The following ENG variants were observed in gnomAD, a reference collection of about 807,000 sequenced individuals.
ENG encodes CD105 antigen.
A neutral mutation model predicts 71.0 loss-of-function variants in ENG; 17 were observed. The ratio of observed to expected loss-of-function variants is 0.24; its 90% CI spans 0.16 to 0.36. The LOEUF is 0.36. Among genes scored for constraint, ENG ranks in the 10% least tolerant of loss-of-function variants. The pLI is 1.00. For synonymous variants in ENG, 360 were observed against 366.9 expected, an observed-to-expected ratio of 0.98 and a Z score of 0.21; for missense variants, 749 against 868.3, an observed-to-expected ratio of 0.86 and a Z score of 1.73.
intron 2 of ENG, among the ~76,000 whole-genome samples, chr9:127,834,561 C>T (rs369813066): frequency 3.9e-5 from 6 of 152,278 alleles, no homozygotes; most frequent in East Asian, 3.9e-4. Context: ...CCTGCCACTG[C>T]GCCTGGCTAG....
intron 8 of ENG, among the ~76,000 whole-genome samples, chr9:127,823,816 G>C (rs10733688): frequency 0.31 from 47,085 of 151,182 alleles, 9,081 homozygotes; most frequent in East Asian, 0.58. Flanking sequence ...CAAGTAGCTG[G>C]GACTACAGGT....
intron 1 of ENG, among the ~76,000 whole-genome samples, chr9:127,851,128 T>TG (rs1247109370): frequency 1.3e-5 from 2 of 152,018 alleles, no homozygotes; most frequent in Non-Finnish European, 2.9e-5. Flanking sequence ...TCCGAGGTGA[T>TG]TTTTTCCCTT....
chr9:127,850,577 A>G (rs1831263131), intron 1 of ENG, among the ~76,000 whole-genome samples: 1 of 152,210 alleles, frequency 6.6e-6, no homozygotes, highest in African/African-American at 2.4e-5. Context: ...TCCTCCTAGC[A>G]AATGGGAACG....
chr9:127,842,021 A>G (rs1292475902), intron 2 of ENG, among the ~76,000 whole-genome samples: 2 of 152,150 alleles, frequency 1.3e-5, no homozygotes, highest in Non-Finnish European at 2.9e-5. Context: ...TCTCTAGCAC[A>G]TAGCGCTTAA....
intron 2 of ENG, among the ~76,000 whole-genome samples, chr9:127,830,447 AGTCT>A (rs1459881329): frequency 1.3e-5 from 2 of 151,636 alleles, no homozygotes; most frequent in Non-Finnish European, 2.9e-5. Flanking sequence ...GTTCGAGACT[AGTCT>A]GTCCAACATG....
intron 2 of ENG, among the ~76,000 whole-genome samples, chr9:127,840,011 C>T (rs1424609958): frequency 6.6e-6 from 1 of 152,226 alleles, no homozygotes; most frequent in African/African-American, 2.4e-5. Flanking sequence ...ACCGTAGCCA[C>T]CATACGCTGA....
intron 10 of ENG, 23 bp from the exon 11 acceptor site, chr9:127,818,855 C>T: frequency 6.2e-7 from 1 of 1,610,078 alleles, no homozygotes; most frequent in Non-Finnish European, 8.5e-7. Context: ...GGGAGGGAGA[C>T]TTGGTCAATC....
At chr9:127,833,453 C>T (rs1185943504) in intron 2 of ENG, among the ~76,000 whole-genome samples, 1 of 132,066 alleles carries the variant, frequency 7.6e-6, no homozygotes, top group Non-Finnish European at 1.5e-5. Flanking sequence ...CCCCAGGAGG[C>T]GGAGGTTGTG....
chr9:127,839,862 A>G (rs1830986011), intron 2 of ENG, among the ~76,000 whole-genome samples: 1 of 152,152 alleles, frequency 6.6e-6, no homozygotes, highest in African/African-American at 2.4e-5. Context: ...GACCTGCCCC[A>G]TTGATCTTGT....
chr9:127,846,788 C>T lies in ENG; in HGVS notation c.68-3543G>A, dbSNP rs1037918245. Among the ~76,000 whole-genome samples, 3 of 152,058 alleles carry T rather than the reference C, an allele frequency of 2.0e-5. No individual in the cohort carries two copies. Among genetic ancestry groups the T allele is most frequent in the Non-Finnish European group, 1.5e-5 (1 of 68,002 alleles). ...CACCAAGGGAAACGCCAGGGCCTCC[C>T]GGGACTGGGTCAGAGGAGGAGCCGC... On this transcript the variant is annotated intron_variant, in intron 1 of 14. Coordinates refer to ENST00000373203, the MANE Select transcript of ENG (RefSeq NM_001114753.3). The surrounding 1 kb of genome is among the most constrained non-coding windows in gnomAD (Gnocchi z 5.5).
Position 127,815,499 on chromosome 9 carries a change from G to T in ENG, c.*183C>A. ...GTTCTGTGGGGTGGAGGGACCCCAA[G>T]GTGTTCCAAGCCAGTGGCTGCACTG... is the stretch of plus-strand genomic sequence containing the variant. On this transcript the variant is annotated 3_prime_UTR_variant, in exon 15 of 15. Coordinates refer to ENST00000373203, the MANE Select transcript of ENG (RefSeq NM_001114753.3). 8.2e-7 allele frequency: 1 copy of T among 1,218,224 alleles called. No individual in the cohort carries two copies. The highest frequency in any genetic ancestry group is 1.1e-6 in the Non-Finnish European group (1 of 901,372). 75.5% of individuals were successfully genotyped at this position (1,218,224 alleles called of 1,614,324 possible). A position where few individuals can be genotyped will look rare whatever the true frequency, so the allele number is the denominator to read the frequency against.
intron 3 of ENG, 130 bp downstream of exon 3, chr9:127,829,557 G>A: frequency 7.8e-7 from 1 of 1,288,098 alleles, no homozygotes; most frequent in Non-Finnish European, 1.1e-6. Context: ...GGACCCTGGT[G>A]AATAATGTCA....
chr9:127,840,022 G>T (rs1830991663), intron 2 of ENG, among the ~76,000 whole-genome samples: 2 of 152,242 alleles, frequency 1.3e-5, no homozygotes, highest in South Asian at 4.1e-4. Context: ...CATACGCTGA[G>T]CCGTCACTCC....
At position 127,817,305 on chromosome 9, in the gene ENG, G is replaced by A. The variant is rs1457613959; in HGVS notation, c.1687-102C>T. ...CAGCCCACCCTAGAGCCTTGGCTTTGAATCCCATCTCCACCGCTTCGTAGC... is the reference window on the plus strand; with the variant it reads ...CAGCCCACCCTAGAGCCTTGGCTTTAAATCCCATCTCCACCGCTTCGTAGC... On this transcript the variant is annotated intron_variant, in intron 12 of 14. Transcript: ENST00000373203. 99 of 1,205,506 alleles carry A rather than the reference G, an allele frequency of 8.2e-5. 4 individuals carry two copies. In the South Asian group the frequency reaches 1.2e-3, roughly 14 times the overall value. The allele number at this position is 1,205,506 out of a possible 1,614,324, so 74.7% of individuals were successfully genotyped here.
intron 1 of ENG, among the ~76,000 whole-genome samples, chr9:127,849,464 A>T (rs1469333952): frequency 6.6e-6 from 1 of 152,214 alleles, no homozygotes; most frequent in African/African-American, 2.4e-5. Context: ...GGTGACCCAC[A>T]TCAAGTCCCC....
intron 1 of ENG, 105 bp from the exon 2 acceptor site, chr9:127,843,350 C>G: frequency 1.4e-6 from 2 of 1,451,928 alleles, no homozygotes. Context: ...TAACGGCTTT[C>G]CTGCATCATC....
rs1426836517 is a variant in ENG at position 127,815,215 on chromosome 9, G to A, written c.*467C>T. On this transcript the variant is annotated 3_prime_UTR_variant, in exon 15 of 15. Coordinates refer to ENST00000373203, the MANE Select transcript of ENG (RefSeq NM_001114753.3). ...CGCTAGGCTCCTGTCTCCCCTGCCAGTTAGTTAGGCAAGTTCAGGTGTGGA... is the reference window on the plus strand; with the variant it reads ...CGCTAGGCTCCTGTCTCCCCTGCCAATTAGTTAGGCAAGTTCAGGTGTGGA... 7.4e-6 allele frequency: 1 copy of A among 135,164 alleles called. No individual in the cohort carries two copies. Among genetic ancestry groups the A allele is most frequent in the Non-Finnish European group, 1.7e-5 (1 of 60,148 alleles). 8.4% of individuals were successfully genotyped at this position (135,164 alleles called of 1,614,324 possible). A position where few individuals can be genotyped will look rare whatever the true frequency, so the allele number is the denominator to read the frequency against.
At chr9:127,828,549 C>T (rs1830683493) in intron 3 of ENG, among the ~76,000 whole-genome samples, 1 of 152,192 alleles carries the variant, frequency 6.6e-6, no homozygotes, top group Non-Finnish European at 1.5e-5. Flanking sequence ...CCTGCCTCAC[C>T]CTGGGCTGCA....
In ENG at chr9:127,824,208, G is replaced by GC. The variant is rs971994795; in HGVS notation, c.1134+95dup. The GC allele has an allele frequency of 4.4e-6, 7 of 1,575,148 alleles. No individual in the cohort carries two copies. In the African/African-American group the frequency reaches 5.4e-5, roughly 12 times the overall value. On this transcript the variant is annotated intron_variant, in intron 8 of 14. Transcript: ENST00000373203. ...TAAGGCTTGCAGAGGGACGTGACTT[G>GC]CCCCCCTGCCTGGGCTAGGACCCCA... is the stretch of plus-strand genomic sequence containing the variant.
Sources: allele counts gnomAD v4.1 joint callset (sites outside exome capture counted in the v4.1 genomes callset), GRCh38; gene constraint gnomAD v4.1.1; non-coding constraint Gnocchi (gnomAD v3.1); transcripts MANE v1.5; gene names NCBI Gene and HGNC (gene_info 2026-07-23, HGNC 2026-07-21).